DIP2C: variants seen among roughly 807,000 people sequenced by gnomAD.
DIP2C encodes disco-interacting protein 2 homolog C.
Under a neutral mutation model 192.4 loss-of-function variants are expected in DIP2C, and 33 were observed. That is an observed-to-expected ratio of 0.17 (90% confidence interval 0.13 to 0.23). DIP2C has a LOEUF of 0.23. Among genes scored for constraint, DIP2C ranks in the 10% least tolerant of loss-of-function variants. The pLI is 1.00. For synonymous variants in DIP2C, 979 were observed against 864.1 expected, an observed-to-expected ratio of 1.13 and a Z score of -2.33; for missense variants, 1,537 against 2,110.1, an observed-to-expected ratio of 0.73 and a Z score of 5.32.
chr10:560,030 G>A (rs1455765143), intron 1 of DIP2C, among the ~76,000 whole-genome samples: 5 of 119,456 alleles, frequency 4.2e-5, no homozygotes, highest in African/African-American at 6.4e-5. Context: ...CACCCCCTCC[G>A]GTTCTCACCT....
intron 22 of DIP2C, among the ~76,000 whole-genome samples, chr10:358,447 C>T (rs1183871226): frequency 2.7e-5 from 4 of 147,652 alleles, no homozygotes; most frequent in African/African-American, 5.0e-5. Context: ...AGGATAGAGT[C>T]GCTTCTCGGT....
chr10:669,713 C>A (rs371134172), intron 1 of DIP2C: 1 of 152,138 alleles, frequency 6.6e-6, no homozygotes, highest in Non-Finnish European at 1.5e-5. Context: ...AGGGTAAGAC[C>A]GAGTGGTTTT....
At chr10:631,131 T>G (rs538092055) in intron 1 of DIP2C, 1 of 152,324 alleles carries the variant, frequency 6.6e-6, no homozygotes, top group South Asian at 2.1e-4. Flanking sequence ...ATTCAAACGA[T>G]TCACAAAAAC....
intron 17 of DIP2C, among the ~76,000 whole-genome samples, chr10:377,535 C>T (rs1961765891): frequency 6.6e-6 from 1 of 152,130 alleles, no homozygotes; most frequent in Non-Finnish European, 1.5e-5. Flanking sequence ...AAATTTTATC[C>T]CTCTTTTTAG....
intron 32 of DIP2C, among the ~76,000 whole-genome samples, chr10:300,107 C>A (rs769205614): frequency 7.9e-5 from 12 of 152,160 alleles, no homozygotes; most frequent in Non-Finnish European, 1.6e-4. Context: ...TATGGCAGTT[C>A]CTCCAGAAAT....
chr10:560,076 G>A (rs559442174), intron 1 of DIP2C, among the ~76,000 whole-genome samples: 6 of 150,928 alleles, frequency 4.0e-5, no homozygotes, highest in Non-Finnish European at 5.9e-5. Flanking sequence ...CCAGCACTGC[G>A]CCCAAGGCCT....
chr10:341,229 C>G lies in DIP2C; in HGVS notation c.3554G>C (p.Gly1185Ala). The stretch of plus-strand genomic sequence containing the variant: ...GAGGCACCAGAGGACAAATCCCAGT[C>G]CACAGTAAGGGTCCAGGCAGATGGC... ...EVAICLDPYC[G>A]LGFVLWCLCS... The change falls in exon 29 of 37, where the codon GGA (glycine) becomes GCA (alanine). Residue 1185 changes from glycine to alanine, a missense_variant. By Grantham distance (60) the Gly-to-Ala change is moderately conservative. Coordinates refer to ENST00000280886, the MANE Select transcript of DIP2C (RefSeq NM_014974.3). 11 of 1,614,132 alleles carry G rather than the reference C, an allele frequency of 6.8e-6. No individual in the cohort carries two copies. The highest frequency in any genetic ancestry group is 9.3e-6 in the Non-Finnish European group (11 of 1,180,024).
At chr10:413,391 C>T (rs1746350279) in intron 8 of DIP2C, among the ~76,000 whole-genome samples, 1 of 152,182 alleles carries the variant, frequency 6.6e-6, no homozygotes, top group Non-Finnish European at 1.5e-5. Flanking sequence ...TTTAGATAGA[C>T]ATTTTTTCTA....
chr10:299,765 A>T (rs1244743768), intron 32 of DIP2C, among the ~76,000 whole-genome samples: 1 of 152,248 alleles, frequency 6.6e-6, no homozygotes, highest in Non-Finnish European at 1.5e-5. Context: ...TAATATCCAG[A>T]ATGTGTAAGG....
intron 32 of DIP2C, among the ~76,000 whole-genome samples, chr10:291,377 T>C (rs1955491276): frequency 2.0e-5 from 3 of 152,216 alleles, no homozygotes; most frequent in Admixed American, 2.0e-4. Context: ...CTCAGGTCGG[T>C]GCTGGATGAA....
At chr10:354,408 A>G (rs1958974978) in intron 24 of DIP2C, among the ~76,000 whole-genome samples, 1 of 152,180 alleles carries the variant, frequency 6.6e-6, no homozygotes, top group Non-Finnish European at 1.5e-5. Flanking sequence ...GGACCATGGC[A>G]CCACCCAGCA....
At chr10:604,471 A>C (rs896669472) in intron 1 of DIP2C, among the ~76,000 whole-genome samples, 2 of 152,228 alleles carry the variant, frequency 1.3e-5, no homozygotes, top group Non-Finnish European at 1.5e-5. Context: ...AGGCCAAGCA[A>C]TAAGACTTTC....
intron 4 of DIP2C, among the ~76,000 whole-genome samples, chr10:423,435 C>T (rs571380088): frequency 2.0e-5 from 3 of 152,304 alleles, no homozygotes; most frequent in East Asian, 1.9e-4. Flanking sequence ...GTATGTTTAG[C>T]CCTTGTTAGT....
At chr10:298,816 A>C (rs1341660160) in intron 32 of DIP2C, among the ~76,000 whole-genome samples, 1 of 151,974 alleles carries the variant, frequency 6.6e-6, no homozygotes. Flanking sequence ...CCTCCACCCA[A>C]CCCTCCAGTT....
At chr10:312,513 G>A (rs1043686889) in intron 31 of DIP2C, among the ~76,000 whole-genome samples, 1 of 152,136 alleles carries the variant, frequency 6.6e-6, no homozygotes, top group African/African-American at 2.4e-5. Flanking sequence ...CAGTGGAAAC[G>A]GAGTTAAGTG....
chr10:479,199 C>T (rs763500044), intron 2 of DIP2C, among the ~76,000 whole-genome samples: 6 of 152,138 alleles, frequency 3.9e-5, no homozygotes, highest in Non-Finnish European at 5.9e-5. Flanking sequence ...GCAAACAGGA[C>T]AACTGTTGTA....
chr10:414,852 TTGTGTGTGTGTGTGTG>T lies in DIP2C; in HGVS notation c.860-758_860-743del, dbSNP rs748231177. ...TATATATATACACACACATATATAT[TTGTGTGTGTGTGTGTG>T]TGTGTGTGTGTGTGTGTGTGTGTAT... On this transcript the variant is annotated intron_variant, in intron 7 of 36. Transcript: ENST00000280886. Among the ~76,000 whole-genome samples, 258 of 98,870 alleles carry T rather than the reference TTGTGTGTGTGTGTGTG, an allele frequency of 2.6e-3. 1 individual carries two copies. Among genetic ancestry groups the T allele is most frequent in the Middle Eastern group, 0.021 (3 of 140 alleles). The allele number at this position is 98,870 out of a possible 152,430, so 64.9% of individuals were successfully genotyped here.
At chr10:495,628 G>T (rs1844773882) in intron 1 of DIP2C, among the ~76,000 whole-genome samples, 1 of 151,862 alleles carries the variant, frequency 6.6e-6, no homozygotes, top group Non-Finnish European at 1.5e-5. Context: ...CGTGGGGGTG[G>T]GTTCCAGGGG....
chr10:331,091 T>C (rs1356291859), intron 29 of DIP2C, among the ~76,000 whole-genome samples: 1 of 151,766 alleles, frequency 6.6e-6, no homozygotes, highest in Non-Finnish European at 1.5e-5. Flanking sequence ...GCTAGGATTA[T>C]AGGCATGAGC....
Sources: gnomAD v4.1 joint callset for allele counts (sites outside exome capture counted in the v4.1 genomes callset) on GRCh38, gnomAD v4.1.1 for gene constraint, MANE v1.5 for transcripts, NCBI Gene and HGNC (gene_info 2026-07-23, HGNC 2026-07-21) for gene names.